The following XIRP2 variants were observed in gnomAD, a reference collection of about 807,000 sequenced individuals.
XIRP2 encodes xin actin-binding repeat-containing protein 2.
A neutral mutation model predicts 277.0 loss-of-function variants in XIRP2; 236 were observed. The ratio of observed to expected loss-of-function variants is 0.85; its 90% CI spans 0.77 to 0.95. XIRP2 has a LOEUF of 0.95. Among genes scored for constraint, XIRP2 ranks in the 40% least tolerant of loss-of-function variants. The probability of loss-of-function intolerance (pLI) is 0.00; values close to 1 mark genes in which losing one functional copy is unlikely to be tolerated. For missense variants in XIRP2, 4,640 were observed against 4,157.5 expected (o/e 1.12, Z -3.19); for synonymous variants, 1,490 against 1,416.5 (o/e 1.05, Z -1.17).
chr2:166,974,751 T>TA (rs1292185637), intron 2 of XIRP2, among the ~76,000 whole-genome samples: 4 of 151,908 alleles, frequency 2.6e-5, no homozygotes, highest in African/African-American at 4.8e-5. Context: ...AGAACAAATA[T>TA]AAAAATATTG....
chr2:167,104,797 T>C (rs1035122516), intron 2 of XIRP2, among the ~76,000 whole-genome samples: 2 of 152,094 alleles, frequency 1.3e-5, no homozygotes, highest in Non-Finnish European at 2.9e-5. Context: ...ATAGTCATGA[T>C]GGGAATTTTA....
chr2:166,925,692 A>G (rs1428192761), intron 2 of XIRP2, among the ~76,000 whole-genome samples: 1 of 149,932 alleles, frequency 6.7e-6, no homozygotes, highest in Non-Finnish European at 1.5e-5. Context: ...TTATATCACA[A>G]TTTATCTTAG....
intron 5 of XIRP2, among the ~76,000 whole-genome samples, chr2:167,238,677 T>A (rs987129677): frequency 6.6e-6 from 1 of 152,198 alleles, no homozygotes; most frequent in African/African-American, 2.4e-5. Context: ...CATGCTCACT[T>A]GACTATTCTA....
chr2:167,010,969 G>A (rs1687659755), intron 2 of XIRP2, among the ~76,000 whole-genome samples: 1 of 152,178 alleles, frequency 6.6e-6, no homozygotes, highest in African/African-American at 2.4e-5. Flanking sequence ...AGGAGATTTT[G>A]GGCTGACACA....
chr2:166,895,086 TG>T (rs1463206664), intron 1 of XIRP2, among the ~76,000 whole-genome samples: 1 of 152,100 alleles, frequency 6.6e-6, no homozygotes, highest in Non-Finnish European at 1.5e-5. Context: ...GATTAAATCC[TG>T]GAGAGAGGAT....
intron 2 of XIRP2, among the ~76,000 whole-genome samples, chr2:167,112,914 C>G (rs2105296643): frequency 6.6e-6 from 1 of 152,206 alleles, no homozygotes; most frequent in East Asian, 1.9e-4. Flanking sequence ...CTCAGTCTCC[C>G]AAAGTGATGA....
intron 2 of XIRP2, among the ~76,000 whole-genome samples, chr2:166,980,822 T>C (rs1049091275): frequency 1.3e-5 from 2 of 152,194 alleles, no homozygotes; most frequent in African/African-American, 4.8e-5. Context: ...TTTTTTTTTC[T>C]TTTTCCTATT....
intron 2 of XIRP2, among the ~76,000 whole-genome samples, chr2:167,125,857 A>G (rs556094954): frequency 1.3e-5 from 2 of 152,166 alleles, no homozygotes; most frequent in African/African-American, 4.8e-5. Context: ...CTTACTTGGA[A>G]TATCTCATGA....
Position 167,222,581 on chromosome 2 carries a change from T to C in XIRP2, c.858+4281T>C, listed in dbSNP as rs113636591. On this transcript the variant is annotated intron_variant, in intron 5 of 10. Transcript: ENST00000409195. ...TTTTGTTTTAGGATTGAATTCTCAG[T>C]GTTTTATGCTAGTGAAAATCAGTAG... 1.1e-3 allele frequency among the ~76,000 whole-genome samples: 172 copies of C among 152,302 alleles called. 1 individual carries two copies. The highest frequency in any genetic ancestry group is 3.9e-3 in the African/African-American group (164 of 41,584).
intron 2 of XIRP2, among the ~76,000 whole-genome samples, chr2:167,096,399 C>G (rs865803474): frequency 6.6e-6 from 1 of 151,944 alleles, no homozygotes; most frequent in Non-Finnish European, 1.5e-5. Flanking sequence ...GTGATCTCCC[C>G]TTTATCATTT....
intron 2 of XIRP2, among the ~76,000 whole-genome samples, chr2:166,959,620 TACA>T: frequency 6.6e-6 from 1 of 151,976 alleles, no homozygotes; most frequent in Non-Finnish European, 1.5e-5. Flanking sequence ...TTATGATGAT[TACA>T]TATTCTTTTG....
chr2:167,143,230 T>A (rs1175714997), intron 3 of XIRP2, among the ~76,000 whole-genome samples: 3 of 152,136 alleles, frequency 2.0e-5, no homozygotes, highest in Admixed American at 1.3e-4. Context: ...CCTGAGTAGC[T>A]TATAGTTTAA....
At chr2:167,255,685 C>T (rs994205342) in intron 10 of XIRP2, among the ~76,000 whole-genome samples, 4 of 151,754 alleles carry the variant, frequency 2.6e-5, no homozygotes, top group African/African-American at 9.7e-5. Flanking sequence ...TCCCTCTTTG[C>T]CCTTATTTCA....
At chr2:166,967,367 C>G (rs58609316) in intron 2 of XIRP2, among the ~76,000 whole-genome samples, 6,087 of 151,902 alleles carry the variant, frequency 0.04, 151 homozygotes, top group East Asian at 0.079. Flanking sequence ...TATTAAATAA[C>G]TTTAAAGCAA....
chr2:166,975,488 A>G (rs1475310960), intron 2 of XIRP2, among the ~76,000 whole-genome samples: 1 of 151,352 alleles, frequency 6.6e-6, no homozygotes, highest in Non-Finnish European at 1.5e-5. Context: ...ACTCCTTCAA[A>G]AAAGAAAAGA....
At position 167,187,331 on chromosome 2, in the gene XIRP2, C is replaced by T. The variant is rs144363470; in HGVS notation, c.563-23404C>T. 6,080 of 985,334 alleles carry T rather than the reference C, an allele frequency of 6.2e-3. 24 individuals carry two copies. Among genetic ancestry groups the T allele is most frequent in the Non-Finnish European group, 6.4e-3 (5,341 of 829,930 alleles). The allele number at this position is 985,334 out of a possible 1,614,324, so 61.0% of individuals were successfully genotyped here. A position where few individuals can be genotyped will look rare whatever the true frequency, so the allele number is the denominator to read the frequency against. On this transcript the variant is annotated intron_variant, in intron 3 of 10. Transcript: ENST00000409195. ...TAGGTGCCAAGTTGCATCCTTTAGA[C>T]GCTCTGCTAAAATAAATTCAGCCGT...
intron 2 of XIRP2, among the ~76,000 whole-genome samples, chr2:166,938,447 G>T (rs1180422719): frequency 6.6e-6 from 1 of 152,184 alleles, no homozygotes; most frequent in Non-Finnish European, 1.5e-5. Context: ...TGATTGCACT[G>T]TGGTCTGAGA....
chr2:167,218,149 T>C lies in XIRP2; in HGVS notation c.724-17T>C, dbSNP rs1370289822. 2.0e-6 allele frequency: 3 copies of C among 1,532,642 alleles called. No individual in the cohort carries two copies. Among genetic ancestry groups the C allele is most frequent in the Non-Finnish European group, 2.6e-6 (3 of 1,139,448 alleles). The allele number at this position is 1,532,642 out of a possible 1,614,324, so 94.9% of individuals were successfully genotyped here. A position where few individuals can be genotyped will look rare whatever the true frequency, so the allele number is the denominator to read the frequency against. On this transcript the variant is annotated splice_polypyrimidine_tract_variant and intron_variant, in intron 4 of 10. Coordinates refer to ENST00000409195, the MANE Select transcript of XIRP2 (RefSeq NM_152381.6). Reference sequence around the variant, plus strand: ...CAGCTGTAAAGCTGAATTTTCCTTTTTCTTAAATCATCCTAGATGATGGAA... The same window carrying C: ...CAGCTGTAAAGCTGAATTTTCCTTTCTCTTAAATCATCCTAGATGATGGAA...
intron 2 of XIRP2, among the ~76,000 whole-genome samples, chr2:166,928,088 G>A (rs1511210): frequency 6.6e-6 from 1 of 151,916 alleles, no homozygotes; most frequent in Admixed American, 6.6e-5. Context: ...AAAGAGTTCC[G>A]TCATTTTACA....
Sources: gnomAD v4.1 joint callset for allele counts (sites outside exome capture counted in the v4.1 genomes callset) on GRCh38, gnomAD v4.1.1 for gene constraint, MANE v1.5 for transcripts, NCBI Gene and HGNC (gene_info 2026-07-23, HGNC 2026-07-21) for gene names.